Variants in HYDIN observed in about 807,000 individuals in gnomAD.
HYDIN encodes the protein HYDIN axonemal central pair apparatus protein, also known as axonemal central pair apparatus protein HYDIN.
A neutral mutation model predicts 403.9 loss-of-function variants in HYDIN; 132 were observed. The observed-to-expected ratio is 0.33, with a 90% CI of 0.28 to 0.38. The LOEUF (loss-of-function observed/expected upper bound fraction) is 0.38. Ranked by LOEUF, HYDIN falls within the 10% of genes least tolerant of loss-of-function variation. HYDIN has a pLI of 1.00. For synonymous variants in HYDIN, 1,202 were observed against 1,891.7 expected (o/e 0.64, Z 9.46); for missense variants, 2,827 against 5,009.5 (o/e 0.56, Z 13.15).
chr16:70,836,943 A>G (rs1314249180), intron 77 of HYDIN, among the ~76,000 whole-genome samples: 1 of 152,258 alleles, frequency 6.6e-6, no homozygotes, highest in Non-Finnish European at 1.5e-5. Flanking sequence ...TTAGCTGGTA[A>G]TGTCCTGTTG....
chr16:71,116,686 A>T (rs1421564459), intron 9 of HYDIN, among the ~76,000 whole-genome samples: 1 of 152,186 alleles, frequency 6.6e-6, no homozygotes, highest in African/African-American at 2.4e-5. Context: ...CTTAAAGACA[A>T]CATTTTTCTA....
intron 16 of HYDIN, among the ~76,000 whole-genome samples, chr16:71,064,100 C>T (rs953594740): frequency 7.7e-5 from 10 of 129,936 alleles, no homozygotes; most frequent in African/African-American, 2.7e-4. Flanking sequence ...TACCCAAATG[C>T]ATTCTTGGTA....
At chr16:70,995,202 C>T (rs961592674) in intron 23 of HYDIN, among the ~76,000 whole-genome samples, 21 of 152,262 alleles carry the variant, frequency 1.4e-4, no homozygotes, top group Admixed American at 3.3e-4. Flanking sequence ...AAATAGAACG[C>T]TGGTAGAGTT....
At chr16:70,866,933 G>C (rs1383645197) in intron 66 of HYDIN, among the ~76,000 whole-genome samples, 1 of 150,658 alleles carries the variant, frequency 6.6e-6, no homozygotes, top group Non-Finnish European at 1.5e-5. Flanking sequence ...GCTGGGGCAT[G>C]AGACTCTCTT....
rs144467788 is a variant in HYDIN at position 70,872,371 on chromosome 16, TATCCATCCATCCATCCATCCATCC to T, written c.10949-216_10949-193del. Among the ~76,000 whole-genome samples the T allele has an allele frequency of 3.1e-4, 43 of 137,136 alleles. No individual in the cohort carries two copies. The East Asian group carries it at 7.7e-3, about 25-fold the overall frequency. 90.0% of individuals were successfully genotyped at this position (137,136 alleles called of 152,430 possible). A position where few individuals can be genotyped will look rare whatever the true frequency, so the allele number is the denominator to read the frequency against. ...CTATCTATCCACCCATCCATCCATC[TATCCATCCATCCATCCATCCATCC>T]ATCCATCCATCCATCCATCATCCAC... On this transcript the variant is annotated intron_variant, in intron 64 of 85. Transcript: ENST00000393567.
In HYDIN at chr16:70,992,181, C is replaced by G; in HGVS notation, c.3674G>C (p.Ser1225Thr). Residue 1225 changes from serine (S) to threonine (T), a missense_variant, in exon 24 of 86, where the codon AGT (serine) becomes ACT (threonine). Ser to Thr is a moderately conservative substitution (Grantham distance 58). Transcript: ENST00000393567. ...RFVTLPKKPY[S>T]APVSQMESIP... ...GGACTCCATCTGGGACACTGGGGCA[C>G]TGTAGGGCTTCTTCGGCAATGTCAC... The G allele has an allele frequency of 6.2e-7, 1 of 1,602,936 alleles. No homozygotes were observed. Among genetic ancestry groups the G allele is most frequent in the East Asian group, 2.2e-5 (1 of 44,704 alleles).
At chr16:70,837,361 A>G (rs2037500194) in intron 77 of HYDIN, among the ~76,000 whole-genome samples, 1 of 152,050 alleles carries the variant, frequency 6.6e-6, no homozygotes, top group Non-Finnish European at 1.5e-5. Flanking sequence ...ATGCAGGAGG[A>G]AAAGGATATA....
chr16:71,145,963 G>A (rs931398500), intron 7 of HYDIN, among the ~76,000 whole-genome samples: 5 of 152,144 alleles, frequency 3.3e-5, no homozygotes, highest in African/African-American at 1.2e-4. Context: ...CGAGCTATAA[G>A]CACTCTAAAT....
chr16:70,867,156 T>C (rs973115163), intron 66 of HYDIN, among the ~76,000 whole-genome samples: 33 of 142,124 alleles, frequency 2.3e-4, no homozygotes, highest in Non-Finnish European at 7.7e-5. Flanking sequence ...AATTGAAAAA[T>C]GAGCAAAAGG....
chr16:70,960,268 T>C (rs2078370904), intron 38 of HYDIN, among the ~76,000 whole-genome samples: 1 of 151,470 alleles, frequency 6.6e-6, no homozygotes, highest in Non-Finnish European at 1.5e-5. Flanking sequence ...ACAGGCCAAA[T>C]CTGTCCTGCT....
At chr16:70,931,782 A>G (rs1332957227) in intron 45 of HYDIN, among the ~76,000 whole-genome samples, 1 of 152,130 alleles carries the variant, frequency 6.6e-6, no homozygotes, top group Non-Finnish European at 1.5e-5. Flanking sequence ...TGGGAGGCCA[A>G]GGTGGATGGA....
chr16:70,837,979 T>A (rs912084012), intron 76 of HYDIN, 91 bp from the exon 77 acceptor site: 1 of 1,411,122 alleles, frequency 7.1e-7, no homozygotes, highest in Middle Eastern at 2.3e-4. Context: ...GGCTGGACAC[T>A]GATGGGTTTC....
At chr16:71,196,975 G>A (rs1160791317) in intron 1 of HYDIN, among the ~76,000 whole-genome samples, 1 of 152,152 alleles carries the variant, frequency 6.6e-6, no homozygotes, top group South Asian at 2.1e-4. Flanking sequence ...CTCTGCCTAT[G>A]GGGTAGCCAT....
At chr16:70,978,498 G>A (rs201150821) in intron 30 of HYDIN, among the ~76,000 whole-genome samples, 19 of 151,406 alleles carry the variant, frequency 1.3e-4, no homozygotes, top group Admixed American at 5.9e-4. Flanking sequence ...CTGGCCCTCC[G>A]TCAGCTTCTA....
chr16:70,811,349 A>T (rs1191254468), intron 84 of HYDIN: 1 of 153,590 alleles, frequency 6.5e-6, no homozygotes, highest in African/African-American at 2.4e-5. Flanking sequence ...AGGCAGGAGG[A>T]GGCCTTGATT....
intron 28 of HYDIN, among the ~76,000 whole-genome samples, chr16:70,984,068 G>A (rs757166698): frequency 2.6e-4 from 39 of 152,102 alleles, no homozygotes; most frequent in Non-Finnish European, 4.7e-4. Flanking sequence ...CAAAACACAA[G>A]AGTGAATTTG....
intron 10 of HYDIN, among the ~76,000 whole-genome samples, chr16:71,108,822 C>CT (rs2083712305): frequency 6.6e-6 from 1 of 150,882 alleles, no homozygotes; most frequent in Non-Finnish European, 1.5e-5. Flanking sequence ...CCTGGAGACC[C>CT]TGGGGTAGGG....
chr16:71,123,964 T>C (rs891208471), intron 9 of HYDIN, among the ~76,000 whole-genome samples: 2 of 152,128 alleles, frequency 1.3e-5, no homozygotes, highest in African/African-American at 4.8e-5. Flanking sequence ...CAGTCTCAGA[T>C]GTGTCTTTAT....
chr16:70,993,889 C>T (rs1194314366), intron 23 of HYDIN, among the ~76,000 whole-genome samples: 2 of 151,890 alleles, frequency 1.3e-5, no homozygotes, highest in Non-Finnish European at 2.9e-5. Context: ...GGTGATATCA[C>T]ATTGTGGTAT....
Sources: allele counts gnomAD v4.1 joint callset (sites outside exome capture counted in the v4.1 genomes callset), GRCh38; gene constraint gnomAD v4.1.1; transcripts MANE v1.5; gene names NCBI Gene and HGNC (gene_info 2026-07-23, HGNC 2026-07-21).